FOXP1: variants seen among roughly 807,000 people sequenced by gnomAD.
FOXP1 encodes the protein forkhead box P1, also known as forkhead box protein P1.
FOXP1 carries 15 observed loss-of-function variants against 98.2 expected under a neutral mutation model. The observed-to-expected ratio is 0.15, with a 90% CI of 0.10 to 0.24. The LOEUF is 0.24. Ranked by LOEUF, FOXP1 falls within the 10% of genes least tolerant of loss-of-function variation. The pLI is 1.00. For synonymous variants in FOXP1, 371 were observed against 314.5 expected, an observed-to-expected ratio of 1.18 and a Z score of -1.90; for missense variants, 633 against 848.5, an observed-to-expected ratio of 0.75 and a Z score of 3.15.
At chr3:71,567,886 A>T (rs948972061) in intron 2 of FOXP1, 1 of 151,832 alleles carries the variant, frequency 6.6e-6, no homozygotes, top group Non-Finnish European at 1.5e-5. Flanking sequence ...GGTGACAATG[A>T]AGAAGGGCAG....
In FOXP1 at chr3:71,069,931, G is replaced by A. The variant is rs114525639; in HGVS notation, c.283-16158C>T. Among the ~76,000 whole-genome samples the A allele has an allele frequency of 4.1e-3, 622 of 152,250 alleles. 5 individuals are homozygous for A. The highest frequency in any genetic ancestry group is 0.014 in the African/African-American group (586 of 41,536). On this transcript the variant is annotated intron_variant, in intron 7 of 20. Coordinates refer to ENST00000649528, the MANE Select transcript of FOXP1 (RefSeq NM_001349338.3). ...AGGCCTGCAAAGAGGCAAAGGGAGCGTGTCCCATCCTGCCCTCAGAACAAT... is the reference window on the plus strand; with the variant it reads ...AGGCCTGCAAAGAGGCAAAGGGAGCATGTCCCATCCTGCCCTCAGAACAAT...
chr3:71,237,336 T>C (rs1019541316), intron 5 of FOXP1, among the ~76,000 whole-genome samples: 5 of 148,052 alleles, frequency 3.4e-5, no homozygotes, highest in African/African-American at 1.3e-4. Context: ...ATGAATGAGA[T>C]AGTTAACCTT....
intron 5 of FOXP1, among the ~76,000 whole-genome samples, chr3:71,237,007 G>C (rs1164959523): frequency 6.6e-6 from 1 of 151,454 alleles, no homozygotes; most frequent in South Asian, 2.1e-4. Flanking sequence ...GCCGAGGCGG[G>C]CAAATCACGA....
Position 71,063,947 on chromosome 3 carries a change from G to A in FOXP1, c.283-10174C>T, listed in dbSNP as rs116226123. The stretch of plus-strand genomic sequence containing the variant: ...CCAACACCGTACTTGGGGAGGAGAG[G>A]GGTAAAAAGTCCCGTTTCCACTGAC... On this transcript the variant is annotated intron_variant, in intron 7 of 20. Transcript: ENST00000649528. Among the ~76,000 whole-genome samples the A allele has an allele frequency of 8.3e-3, 1,269 of 152,236 alleles. 14 individuals are homozygous for A. Among genetic ancestry groups the A allele is most frequent in the African/African-American group, 0.028 (1,183 of 41,532 alleles).
chr3:71,039,167 C>G (rs1019930762), intron 11 of FOXP1, among the ~76,000 whole-genome samples: 3 of 151,820 alleles, frequency 2.0e-5, no homozygotes, highest in Non-Finnish European at 4.4e-5. Flanking sequence ...TTCATAGTTG[C>G]TTCTTTTTTG....
intron 11 of FOXP1, among the ~76,000 whole-genome samples, chr3:71,028,937 G>A (rs753379010): frequency 4.6e-5 from 7 of 152,148 alleles, no homozygotes; most frequent in African/African-American, 9.7e-5. Flanking sequence ...CTAATGCCTC[G>A]CTGATCTGAT....
intron 11 of FOXP1, among the ~76,000 whole-genome samples, chr3:71,027,762 C>A (rs115895080): frequency 7.0e-4 from 106 of 152,168 alleles, no homozygotes; most frequent in African/African-American, 2.4e-3. Context: ...ACCCTCTTAG[C>A]CACCAATTTT....
intron 9 of FOXP1, among the ~76,000 whole-genome samples, chr3:71,051,081 C>A (rs926977329): frequency 2.0e-5 from 3 of 152,150 alleles, no homozygotes; most frequent in Non-Finnish European, 4.4e-5. Flanking sequence ...GTAAGCCCTG[C>A]TGAATTAGAA....
chr3:71,555,451 A>T (rs2046057644), intron 2 of FOXP1, among the ~76,000 whole-genome samples: 1 of 152,236 alleles, frequency 6.6e-6, no homozygotes, highest in South Asian at 2.1e-4. Flanking sequence ...GGAACTGCAC[A>T]TAGTCTCCTT....
intron 6 of FOXP1, among the ~76,000 whole-genome samples, chr3:71,160,566 T>C (rs1441269710): frequency 6.6e-6 from 1 of 152,162 alleles, no homozygotes; most frequent in Admixed American, 6.5e-5. Context: ...CCCCAAATGG[T>C]AGCAACTAGC....
At chr3:71,454,649 G>C (rs995396590) in intron 3 of FOXP1, among the ~76,000 whole-genome samples, 1 of 152,080 alleles carries the variant, frequency 6.6e-6, no homozygotes, top group Non-Finnish European at 1.5e-5. Flanking sequence ...TGCACCTCAA[G>C]GTATGAGGAG....
chr3:71,185,870 T>C (rs1174869907), intron 6 of FOXP1, among the ~76,000 whole-genome samples: 3 of 152,196 alleles, frequency 2.0e-5, no homozygotes, highest in Non-Finnish European at 2.9e-5. Flanking sequence ...ATACTGAGAC[T>C]CTTTCCTAAC....
chr3:71,009,369 G>A (rs982005479), intron 12 of FOXP1, among the ~76,000 whole-genome samples: 1 of 152,076 alleles, frequency 6.6e-6, no homozygotes, highest in African/African-American at 2.4e-5. Flanking sequence ...CCTTACGCAT[G>A]GTCAACGGCT....
At chr3:71,033,127 T>C (rs1216444721) in intron 11 of FOXP1, among the ~76,000 whole-genome samples, 2 of 152,018 alleles carry the variant, frequency 1.3e-5, no homozygotes, top group African/African-American at 4.8e-5. Flanking sequence ...TAAGACACAA[T>C]TGGGAGGAGG....
At chr3:71,463,346 C>T (rs2088337029) in intron 3 of FOXP1, among the ~76,000 whole-genome samples, 1 of 105,060 alleles carries the variant, frequency 9.5e-6, no homozygotes, top group Non-Finnish European at 1.8e-5. Flanking sequence ...CACAGTAAGA[C>T]ACTGTCTCAA....
intron 5 of FOXP1, among the ~76,000 whole-genome samples, chr3:71,209,087 G>A (rs2064267568): frequency 6.6e-6 from 1 of 152,134 alleles, no homozygotes; most frequent in Admixed American, 6.5e-5. Flanking sequence ...CTCTTTACTG[G>A]TGACATTACT....
At chr3:71,099,973 C>T (rs1225476052) in intron 7 of FOXP1, among the ~76,000 whole-genome samples, 1 of 152,180 alleles carries the variant, frequency 6.6e-6, no homozygotes, top group Non-Finnish European at 1.5e-5. Flanking sequence ...AAACACAAAG[C>T]ATATGTTTAA....
intron 7 of FOXP1, among the ~76,000 whole-genome samples, chr3:71,092,901 G>T (rs2056034727): frequency 6.6e-6 from 1 of 152,146 alleles, no homozygotes; most frequent in African/African-American, 2.4e-5. Flanking sequence ...GATATATGAA[G>T]ACACCACATT....
chr3:71,369,321 C>T (rs1230302604), intron 3 of FOXP1, among the ~76,000 whole-genome samples: 1 of 151,968 alleles, frequency 6.6e-6, no homozygotes, highest in Non-Finnish European at 1.5e-5. Flanking sequence ...ATCTGGGATG[C>T]GGAGGCTGCA....
Sources: allele counts gnomAD v4.1 joint callset (sites outside exome capture counted in the v4.1 genomes callset), GRCh38; gene constraint gnomAD v4.1.1; transcripts MANE v1.5; gene names NCBI Gene and HGNC (gene_info 2026-07-23, HGNC 2026-07-21).